Variants in PIK3C2G observed in about 807,000 individuals in gnomAD.
PIK3C2G encodes phosphatidylinositol 3-kinase C2 domain-containing subunit gamma.
PIK3C2G carries 168 observed loss-of-function variants against 181.1 expected under a neutral mutation model. That is an observed-to-expected ratio of 0.93 (90% CI 0.82 to 1.05). The LOEUF (loss-of-function observed/expected upper bound fraction) is 1.05, where lower values mean the gene tolerates loss of function less well. PIK3C2G is among the 50% of genes least tolerant of loss of function. The pLI, the probability that PIK3C2G is intolerant of heterozygous loss-of-function variation, is 0.00. For missense variants in PIK3C2G, 1,869 were observed against 1,732.8 expected (o/e 1.08, Z -1.40); for synonymous variants, 573 against 592.2 (o/e 0.97, Z 0.47).
At chr12:18,403,314 T>C (rs975769047) in intron 16 of PIK3C2G, among the ~76,000 whole-genome samples, 2 of 152,308 alleles carry the variant, frequency 1.3e-5, no homozygotes, top group Non-Finnish European at 2.9e-5. Context: ...GAAAGTTTCT[T>C]ATCATGCACC....
rs190208886 is a variant in PIK3C2G, at chr12:18,500,874, A to G, written c.3017-2407A>G. On this transcript the variant is annotated intron_variant, in intron 22 of 32. Coordinates refer to ENST00000538779, the MANE Select transcript of PIK3C2G (RefSeq NM_001288772.2). ...GTCCACACTGCCTTTATGAGCTGCA[A>G]CCCTCACCGCGAAGGTCTGTAGCTT... 4.6e-3 allele frequency among the ~76,000 whole-genome samples: 696 copies of G among 152,102 alleles called. 3 individuals carry two copies. Among genetic ancestry groups the G allele is most frequent in the African/African-American group, 0.016 (656 of 41,498 alleles).
intron 31 of PIK3C2G, among the ~76,000 whole-genome samples, chr12:18,624,536 G>C (rs1949006207): frequency 6.6e-6 from 1 of 151,560 alleles, no homozygotes; most frequent in Admixed American, 6.6e-5. Flanking sequence ...TATTGTAAGG[G>C]TAATGCTGGT....
the PIK3C2G span, among the ~76,000 whole-genome samples, chr12:18,711,481 A>AT: frequency 6.6e-6 from 1 of 150,908 alleles, no homozygotes; most frequent in South Asian, 2.1e-4. Context: ...ACATGTATCC[A>AT]TATGTAACAA....
intron 24 of PIK3C2G, among the ~76,000 whole-genome samples, chr12:18,523,386 G>T (rs1263605152): frequency 6.6e-6 from 1 of 152,128 alleles, no homozygotes; most frequent in Non-Finnish European, 1.5e-5. Context: ...TTTTTTGATG[G>T]TGATAGAGCT....
chr12:18,379,478 C>A (rs1181555476), intron 13 of PIK3C2G, among the ~76,000 whole-genome samples: 1 of 151,930 alleles, frequency 6.6e-6, no homozygotes, highest in Non-Finnish European at 1.5e-5. Context: ...CAAGCCTGCA[C>A]GTTGTGCACA....
chr12:18,376,112 C>A (rs899633703), intron 13 of PIK3C2G, among the ~76,000 whole-genome samples: 2 of 152,178 alleles, frequency 1.3e-5, no homozygotes, highest in Non-Finnish European at 2.9e-5. Flanking sequence ...AGAGTCCTTA[C>A]TGGGGCACTG....
the PIK3C2G span, chr12:18,712,914 AT>A: frequency 6.2e-7 from 1 of 1,613,958 alleles, no homozygotes; most frequent in African/African-American, 1.3e-5. Context: ...TGTAGCCATG[AT>A]ATACAACAGG....
intron 18 of PIK3C2G, among the ~76,000 whole-genome samples, chr12:18,478,132 T>C (rs747824852): frequency 9.2e-5 from 14 of 152,000 alleles, no homozygotes; most frequent in Non-Finnish European, 2.1e-4. Context: ...AGAAATTTTT[T>C]AAAAAAAGGA....
intron 29 of PIK3C2G, among the ~76,000 whole-genome samples, chr12:18,578,018 A>C (rs1946317949): frequency 6.6e-6 from 1 of 152,164 alleles, no homozygotes; most frequent in Admixed American, 6.5e-5. Flanking sequence ...CCTGGTAACC[A>C]ATTGTTTTAG....
At chr12:18,416,228 G>C (rs1945168705) in intron 16 of PIK3C2G, among the ~76,000 whole-genome samples, 1 of 151,754 alleles carries the variant, frequency 6.6e-6, no homozygotes, top group Admixed American at 6.6e-5. Context: ...CTGGGCAATG[G>C]AGCAAGACTC....
intron 30 of PIK3C2G, among the ~76,000 whole-genome samples, chr12:18,607,533 T>G (rs1592703780): frequency 6.6e-6 from 1 of 152,222 alleles, no homozygotes; most frequent in East Asian, 1.9e-4. Flanking sequence ...TCCTTACACC[T>G]TATACAAAAA....
chr12:18,355,337 T>C lies in PIK3C2G; in HGVS notation c.1626-7427T>C, dbSNP rs12318724. 4.2e-3 allele frequency among the ~76,000 whole-genome samples: 637 copies of C among 152,234 alleles called. 1 individual carries two copies. The highest frequency in any genetic ancestry group is 0.014 in the African/African-American group (592 of 41,530). On this transcript the variant is annotated intron_variant, in intron 11 of 32. Transcript: ENST00000538779. ...CCCTATCGTAAGCAGAGTGCTGAGG[T>C]AGGAAAAGAAACCTCTCACTTAGAA...
chr12:18,501,830 T>C (rs1331598687), intron 22 of PIK3C2G, among the ~76,000 whole-genome samples: 3 of 152,158 alleles, frequency 2.0e-5, no homozygotes, highest in Non-Finnish European at 4.4e-5. Context: ...GCAATTGACA[T>C]TGCTGCAGCA....
chr12:18,615,529 A>G (rs531364703), intron 31 of PIK3C2G, among the ~76,000 whole-genome samples: 5 of 152,056 alleles, frequency 3.3e-5, no homozygotes, highest in East Asian at 3.9e-4. Flanking sequence ...TTGTGCTGCA[A>G]TAAACATACA....
chr12:18,692,513 G>A, the PIK3C2G span, among the ~76,000 whole-genome samples: 1 of 152,208 alleles, frequency 6.6e-6, no homozygotes, highest in African/African-American at 2.4e-5. Context: ...GCTCCATAAG[G>A]TTTTACAGGA....
At chr12:18,607,357 G>C (rs965826528) in intron 30 of PIK3C2G, among the ~76,000 whole-genome samples, 1 of 152,064 alleles carries the variant, frequency 6.6e-6, no homozygotes, top group African/African-American at 2.4e-5. Context: ...CAGAGATATA[G>C]ATCAATGGAA....
chr12:18,454,086 T>A (rs190298741), intron 18 of PIK3C2G, among the ~76,000 whole-genome samples: 136 of 152,002 alleles, frequency 8.9e-4, no homozygotes, highest in African/African-American at 3.1e-3. Flanking sequence ...GTCATATTCA[T>A]TCATCTGCTT....
At position 18,570,489 on chromosome 12, in the gene PIK3C2G, G is replaced by A. The variant is rs775251788; in HGVS notation, c.4011+3432G>A. On this transcript the variant is annotated intron_variant, in intron 29 of 32. Coordinates refer to ENST00000538779, the MANE Select transcript of PIK3C2G (RefSeq NM_001288772.2). ...CTCCCAAAGTGCTGGGATTACAGGC[G>A]TGATCCCACTGTGCCCAGCCTGAGA... 9.3e-5 allele frequency among the ~76,000 whole-genome samples: 14 copies of A among 150,306 alleles called. 1 individual carries two copies. Among genetic ancestry groups the A allele is most frequent in the East Asian group, 1.9e-4 (1 of 5,136 alleles).
At position 18,290,984 on chromosome 12, in the gene PIK3C2G, A is replaced by T; in HGVS notation, c.891A>T (p.Ser297=). The part of the protein sequence containing the change: ...KFNIHIFIDN[S]TQPLHFMPCA... Reference sequence around the variant, plus strand: ...ATATACATATTTTTATTGATAACTCAACACAACCTCTTCATTTTATGCCAT... The same window carrying T: ...ATATACATATTTTTATTGATAACTCTACACAACCTCTTCATTTTATGCCAT... Residue 297 remains serine, a synonymous_variant, in exon 4 of 33, where the codon TCA becomes TCT. Coordinates refer to ENST00000538779, the MANE Select transcript of PIK3C2G (RefSeq NM_001288772.2). 1 of 1,601,440 alleles carries T rather than the reference A, an allele frequency of 6.2e-7. No homozygotes were observed. The highest frequency in any genetic ancestry group is 8.6e-7 in the Non-Finnish European group (1 of 1,169,242).
Sources: gnomAD v4.1 joint callset for allele counts (sites outside exome capture counted in the v4.1 genomes callset) on GRCh38, gnomAD v4.1.1 for gene constraint, MANE v1.5 for transcripts, NCBI Gene and HGNC (gene_info 2026-07-23, HGNC 2026-07-21) for gene names.